The following NBAS variants were observed in gnomAD, a reference collection of about 807,000 sequenced individuals.
NBAS encodes NAG/BC035112 fusion.
Under a neutral mutation model 302.5 loss-of-function variants are expected in NBAS, and 219 were observed. The ratio of observed to expected loss-of-function variants is 0.72; its 90% CI spans 0.65 to 0.81. The LOEUF (loss-of-function observed/expected upper bound fraction) is 0.81, where lower values mean the gene tolerates loss of function less well. Ranked by LOEUF, NBAS falls within the 30% of genes least tolerant of loss-of-function variation. The pLI is 0.00. For missense variants in NBAS, 2,932 were observed against 2,841.6 expected, an observed-to-expected ratio of 1.03 and a Z score of -0.72; for synonymous variants, 1,118 against 1,021.6, an observed-to-expected ratio of 1.09 and a Z score of -1.80.
chr2:15,293,643 A>G (rs912079164), intron 40 of NBAS, among the ~76,000 whole-genome samples: 1 of 98,030 alleles, frequency 1.0e-5, no homozygotes, highest in Non-Finnish European at 1.8e-5. Context: ...TAATATAAGC[A>G]AATTAGAGAA....
chr2:15,023,165 A>G, the NBAS span, among the ~76,000 whole-genome samples: 1 of 152,204 alleles, frequency 6.6e-6, no homozygotes, highest in African/African-American at 2.4e-5. Context: ...ATGGAATCCT[A>G]ATATATGTAT....
chr2:15,229,356 A>C (rs1361192730), intron 47 of NBAS, among the ~76,000 whole-genome samples: 1,931 of 142,668 alleles, frequency 0.014, 28 homozygotes, highest in Admixed American at 0.048. Flanking sequence ...ACAAAAAAAA[A>C]AAAAAAAAAA....
intron 25 of NBAS, among the ~76,000 whole-genome samples, chr2:15,406,309 A>G (rs1200364934): frequency 6.6e-6 from 1 of 152,138 alleles, no homozygotes. Flanking sequence ...GTGGCATTTC[A>G]AATCACTAGG....
chr2:14,939,628 C>T, the NBAS span, among the ~76,000 whole-genome samples: 2 of 152,214 alleles, frequency 1.3e-5, no homozygotes, highest in Non-Finnish European at 1.5e-5. Flanking sequence ...GCCTCTTGGC[C>T]TCCACTTCCC....
chr2:15,146,793 A>G, the NBAS span, among the ~76,000 whole-genome samples: 13 of 152,106 alleles, frequency 8.5e-5, no homozygotes, highest in African/African-American at 3.1e-4. Context: ...GGCAGGCATC[A>G]CTGGGGCTGT....
the NBAS span, among the ~76,000 whole-genome samples, chr2:14,794,641 T>C: frequency 6.6e-6 from 1 of 152,346 alleles, no homozygotes; most frequent in African/African-American, 2.4e-5. Context: ...ATAAAGTGTT[T>C]ACTTTGATAA....
chr2:15,225,721 T>G (rs1051433419), intron 47 of NBAS, among the ~76,000 whole-genome samples: 1 of 152,232 alleles, frequency 6.6e-6, no homozygotes, highest in African/African-American at 2.4e-5. Context: ...TTTCTTCTTT[T>G]TTTGAATATT....
chr2:14,941,437 A>C, the NBAS span, among the ~76,000 whole-genome samples: 1 of 152,240 alleles, frequency 6.6e-6, no homozygotes, highest in African/African-American at 2.4e-5. Flanking sequence ...AGCTCTTTTC[A>C]GAAATTGCTG....
At position 15,475,823 on chromosome 2, in the gene NBAS, G is replaced by A; in HGVS notation, c.1205C>T (p.Thr402Ile). Residue 402 changes from threonine (T) to isoleucine (I), a missense_variant, in exon 14 of 52, where the codon ACT becomes ATT. Transcript: ENST00000281513. ...DVNWWADSAV[T>I]LARCSGALTV... ...TAAAGCACCAGAGCATCGAGCTAAAGTCACTGCACTGTCTGCCCACCAATT... is the reference window on the plus strand; with the variant it reads ...TAAAGCACCAGAGCATCGAGCTAAAATCACTGCACTGTCTGCCCACCAATT... The A allele has an allele frequency of 1.9e-6, 3 of 1,614,066 alleles. No individual in the cohort carries two copies. Among genetic ancestry groups the A allele is most frequent in the Non-Finnish European group, 2.5e-6 (3 of 1,179,964 alleles).
chr2:15,167,337 GACAGGC>G lies in NBAS; in HGVS notation c.6841-20_6841-15del. 6.2e-7 allele frequency: 1 copy of G among 1,614,100 alleles called. No individual in the cohort carries two copies. Among genetic ancestry groups the G allele is most frequent in the Non-Finnish European group, 8.5e-7 (1 of 1,179,994 alleles). On this transcript the variant is annotated splice_polypyrimidine_tract_variant and intron_variant, in intron 51 of 51. Coordinates refer to ENST00000281513, the MANE Select transcript of NBAS (RefSeq NM_015909.4). Reference sequence around the variant, plus strand: ...GGAATCATTCACCTTCAAGAAATAAGACAGGCACAGCGTGAGGGGGTGTTTGCTTTG... The same window carrying G: ...GGAATCATTCACCTTCAAGAAATAAGACAGCGTGAGGGGGTGTTTGCTTTG...
At chr2:14,782,883 A>C in the NBAS span, among the ~76,000 whole-genome samples, 2 of 152,210 alleles carry the variant, frequency 1.3e-5, no homozygotes, top group Non-Finnish European at 2.9e-5. Context: ...ACATGTTTTC[A>C]CTTACAAGTG....
chr2:15,131,788 T>A, the NBAS span, among the ~76,000 whole-genome samples: 1 of 152,172 alleles, frequency 6.6e-6, no homozygotes, highest in African/African-American at 2.4e-5. Context: ...CCCTGACACA[T>A]GCTCAGCTTC....
In NBAS at chr2:15,340,868, C is replaced by T. The variant is rs575105339; in HGVS notation, c.4180-10103G>A. 7.9e-5 allele frequency among the ~76,000 whole-genome samples: 12 copies of T among 152,112 alleles called. No individual in the cohort carries two copies. The South Asian group carries it at 2.3e-3, about 29-fold the overall frequency. ...AAAACAAAGACTGAGATTTGACCCA[C>T]GAACTTCGCAACAAGAGGTCACTGG... On this transcript the variant is annotated intron_variant, in intron 35 of 51. Coordinates refer to ENST00000281513, the MANE Select transcript of NBAS (RefSeq NM_015909.4).
the NBAS span, among the ~76,000 whole-genome samples, chr2:14,917,490 C>T: frequency 1.8e-4 from 27 of 152,322 alleles, no homozygotes; most frequent in African/African-American, 6.5e-4. Flanking sequence ...ATCCCATTAC[C>T]TTTGCCATAC....
At chr2:15,532,085 T>A (rs889750903) in intron 9 of NBAS, among the ~76,000 whole-genome samples, 1 of 152,122 alleles carries the variant, frequency 6.6e-6, no homozygotes, top group Non-Finnish European at 1.5e-5. Context: ...AATGAATAAA[T>A]AAAAATGGAA....
At chr2:14,854,962 C>T in the NBAS span, among the ~76,000 whole-genome samples, 1 of 152,144 alleles carries the variant, frequency 6.6e-6, no homozygotes, top group African/African-American at 2.4e-5. Flanking sequence ...GTGCTTACAT[C>T]ACCCCTCCTT....
At chr2:15,301,572 T>C (rs1670796887) in intron 40 of NBAS, among the ~76,000 whole-genome samples, 1 of 152,222 alleles carries the variant, frequency 6.6e-6, no homozygotes, top group African/African-American at 2.4e-5. Flanking sequence ...CCAGATCTGA[T>C]GTCCAAGAAC....
the NBAS span, among the ~76,000 whole-genome samples, chr2:14,884,231 G>A: frequency 2.0e-5 from 3 of 152,188 alleles, no homozygotes; most frequent in Non-Finnish European, 2.9e-5. Flanking sequence ...TAAGCATCTC[G>A]AAACTATGTA....
At chr2:14,997,573 A>G in the NBAS span, among the ~76,000 whole-genome samples, 1 of 152,054 alleles carries the variant, frequency 6.6e-6, no homozygotes, top group East Asian at 1.9e-4. Context: ...AATGGTTATC[A>G]CAATCAAGTT....
Sources: allele counts gnomAD v4.1 joint callset (sites outside exome capture counted in the v4.1 genomes callset), GRCh38; gene constraint gnomAD v4.1.1; transcripts MANE v1.5; gene names NCBI Gene and HGNC (gene_info 2026-07-23, HGNC 2026-07-21).